OPRM1: variants seen among roughly 807,000 people sequenced by gnomAD.
OPRM1 encodes the protein opioid receptor mu 1.
Under a neutral mutation model 31.8 loss-of-function variants are expected in OPRM1, and 27 were observed. The observed-to-expected ratio is 0.85, with a 90% confidence interval of 0.63 to 1.17. OPRM1 has a LOEUF of 1.17. Among genes scored for constraint, OPRM1 ranks in the 50% most tolerant of loss-of-function variants. The pLI is 0.00. For synonymous variants in OPRM1, 196 were observed against 189.9 expected, an observed-to-expected ratio of 1.03 and a Z score of -0.26; for missense variants, 536 against 511.1, an observed-to-expected ratio of 1.05 and a Z score of -0.47.
intron 1 of OPRM1, among the ~76,000 whole-genome samples, chr6:154,025,253 C>T (rs762058506): frequency 6.6e-6 from 1 of 152,014 alleles, no homozygotes; most frequent in Non-Finnish European, 1.5e-5. Flanking sequence ...CTGAAGTGAC[C>T]CCTTTATCAT....
rs1343250918 is a variant in OPRM1, at chr6:154,131,236, A to G, written c.*12515A>G. Among the ~76,000 whole-genome samples the G allele has an allele frequency of 3.9e-5, 6 of 152,198 alleles. No homozygotes were observed. The highest frequency in any genetic ancestry group is 1.4e-4 in the African/African-American group (6 of 41,446). ...AAGATACATATAATGTTTCCGTAGG[A>G]AAAAAATCAAAATATTGTAAAGAAT... On this transcript the variant is annotated 3_prime_UTR_variant, in exon 4 of 4. Coordinates refer to ENST00000330432, the MANE Select transcript of OPRM1 (RefSeq NM_000914.5).
chr6:154,040,832 A>T (rs1030643581), intron 1 of OPRM1, among the ~76,000 whole-genome samples: 2 of 152,228 alleles, frequency 1.3e-5, no homozygotes, highest in Non-Finnish European at 2.9e-5. Context: ...AGCTCTCAGT[A>T]TTGACTGAGA....
chr6:154,148,185 T>C (rs1456978322), intron 3 of OPRM1, among the ~76,000 whole-genome samples: 1 of 152,190 alleles, frequency 6.6e-6, no homozygotes, highest in Admixed American at 6.5e-5. Context: ...AGATCAAACA[T>C]TCTGTGAACC....
chr6:154,017,481 C>T (rs1778072707), intron 1 of OPRM1, among the ~76,000 whole-genome samples: 1 of 152,162 alleles, frequency 6.6e-6, no homozygotes, highest in Admixed American at 6.6e-5. Flanking sequence ...AAAGAGGATG[C>T]TCTCTGAAGG....
intron 3 of OPRM1, among the ~76,000 whole-genome samples, chr6:154,208,696 A>G (rs1435747324): frequency 6.6e-6 from 1 of 152,216 alleles, no homozygotes; most frequent in Non-Finnish European, 1.5e-5. Context: ...AACTTGAAGG[A>G]AAAATACCTG....
At chr6:154,144,748 C>CAAAAA (rs58367883) in intron 3 of OPRM1, among the ~76,000 whole-genome samples, 9 of 70,484 alleles carry the variant, frequency 1.3e-4, no homozygotes, top group South Asian at 6.4e-4. Flanking sequence ...GACTCTGTCT[C>CAAAAA]AAAAAAAAAA....
At chr6:154,032,572 A>T (rs756540070) in intron 1 of OPRM1, among the ~76,000 whole-genome samples, 1 of 152,134 alleles carries the variant, frequency 6.6e-6, no homozygotes, top group Non-Finnish European at 1.5e-5. Flanking sequence ...AGTAGCTAGG[A>T]TTACAAGCGT....
At chr6:154,246,431 C>CA (rs1781049832) in intron 3 of OPRM1, among the ~76,000 whole-genome samples, 1 of 152,210 alleles carries the variant, frequency 6.6e-6, no homozygotes, top group African/African-American at 2.4e-5. Context: ...GCATAACCTA[C>CA]ATATCTACTG....
intron 3 of OPRM1, chr6:154,093,325 T>C (rs554845510): frequency 6.2e-7 from 1 of 1,613,854 alleles, no homozygotes; most frequent in African/African-American, 1.3e-5. Flanking sequence ...TGCTTGGTTG[T>C]GTACCCTGGA....
chr6:154,149,643 G>A (rs1432167225), intron 3 of OPRM1, among the ~76,000 whole-genome samples: 1 of 151,300 alleles, frequency 6.6e-6, no homozygotes, highest in Non-Finnish European at 1.5e-5. Context: ...TGTAGAGAGA[G>A]AGAGAGAGAG....
intron 1 of OPRM1, among the ~76,000 whole-genome samples, chr6:154,083,992 C>A (rs1455650201): frequency 6.6e-6 from 1 of 150,860 alleles, no homozygotes; most frequent in African/African-American, 2.4e-5. Flanking sequence ...ATATTCATCC[C>A]ACTCTGGTGA....
At chr6:154,134,023 A>G (rs534944334), downstream of OPRM1, among the ~76,000 whole-genome samples, 118 of 152,352 alleles carry the variant, frequency 7.7e-4, no homozygotes, top group African/African-American at 2.6e-3. Flanking sequence ...CTGAAGACTC[A>G]TTTTTAAAAA....
At chr6:154,016,977 A>G (rs771168885) in intron 1 of OPRM1, among the ~76,000 whole-genome samples, 5 of 152,226 alleles carry the variant, frequency 3.3e-5, no homozygotes, top group Non-Finnish European at 2.9e-5. Flanking sequence ...CTTAATGGAT[A>G]TGATCCTGTT....
intron 3 of OPRM1, among the ~76,000 whole-genome samples, chr6:154,139,601 C>T (rs1472339941): frequency 2.6e-5 from 4 of 152,132 alleles, no homozygotes; most frequent in African/African-American, 7.2e-5. Flanking sequence ...CTGACCTGTG[C>T]AGCCCAGGGA....
At chr6:154,100,994 G>A (rs1411266558) in intron 3 of OPRM1, among the ~76,000 whole-genome samples, 2 of 150,220 alleles carry the variant, frequency 1.3e-5, no homozygotes, top group Non-Finnish European at 3.0e-5. Flanking sequence ...TAAGTCCCTT[G>A]AAGTGTAAAA....
At chr6:154,199,119 T>A (rs561238703) in intron 3 of OPRM1, among the ~76,000 whole-genome samples, 1 of 152,252 alleles carries the variant, frequency 6.6e-6, no homozygotes, top group Non-Finnish European at 1.5e-5. Context: ...TCTGAACGCA[T>A]GAGTTGTGCT....
At position 154,140,561 on chromosome 6, in the gene OPRM1, T is replaced by C. The variant is rs1195679203; in HGVS notation, c.1164+49089T>C. 2.0e-5 allele frequency among the ~76,000 whole-genome samples: 3 copies of C among 152,164 alleles called. No homozygotes were observed. The East Asian group carries it at 5.8e-4, about 29-fold the overall frequency. Reference sequence around the variant, plus strand: ...GCCAGGCTGGTCTCAAATTCCTGACTTCAGGTGATCCGCCCGCCTCAACCT... The same window carrying C: ...GCCAGGCTGGTCTCAAATTCCTGACCTCAGGTGATCCGCCCGCCTCAACCT... On this transcript the variant is annotated intron_variant, in intron 3 of 3. Transcript: ENST00000337049.
intron 3 of OPRM1, among the ~76,000 whole-genome samples, chr6:154,214,733 G>T (rs920294600): frequency 2.0e-5 from 3 of 152,090 alleles, no homozygotes; most frequent in African/African-American, 7.2e-5. Context: ...ATATTTTTAT[G>T]TCAATCAGTA....
chr6:154,115,368 C>A (rs1796752323), intron 3 of OPRM1, among the ~76,000 whole-genome samples: 2 of 151,982 alleles, frequency 1.3e-5, no homozygotes, highest in African/African-American at 4.8e-5. Context: ...CGTGAAACCC[C>A]GTCTCTACCA....
Sources: gnomAD v4.1 joint callset for allele counts (sites outside exome capture counted in the v4.1 genomes callset) on GRCh38, gnomAD v4.1.1 for gene constraint, MANE v1.5 for transcripts, NCBI Gene and HGNC (gene_info 2026-07-23, HGNC 2026-07-21) for gene names.